Variants in RBFOX1 observed in about 807,000 individuals in gnomAD.
RBFOX1 encodes RNA binding fox-1 homolog 1, also known as RNA binding protein fox-1 homolog 1.
A neutral mutation model predicts 57.7 loss-of-function variants in RBFOX1; 8 were observed. The ratio of observed to expected loss-of-function variants is 0.14; its 90% CI spans 0.08 to 0.25. The LOEUF (loss-of-function observed/expected upper bound fraction) is 0.25. Among genes scored for constraint, RBFOX1 ranks in the 10% least tolerant of loss-of-function variants. The pLI is 1.00. For synonymous variants in RBFOX1, 326 were observed against 222.4 expected, an observed-to-expected ratio of 1.47 and a Z score of -4.15; for missense variants, 611 against 548.5, an observed-to-expected ratio of 1.11 and a Z score of -1.14.
intron 2 of RBFOX1, among the ~76,000 whole-genome samples, chr16:5,472,614 G>C (rs1324668678): frequency 2.0e-5 from 3 of 152,146 alleles, no homozygotes; most frequent in African/African-American, 7.2e-5. Context: ...TTCTTAGAGT[G>C]ATTTCTGTGC....
At chr16:6,858,734 A>G (rs975592712) in intron 3 of RBFOX1, among the ~76,000 whole-genome samples, 14 of 152,258 alleles carry the variant, frequency 9.2e-5, no homozygotes, top group Middle Eastern at 3.4e-3. Flanking sequence ...TCTTTATGGA[A>G]CAGTGTATAC....
intron 3 of RBFOX1, among the ~76,000 whole-genome samples, chr16:6,959,571 G>C (rs1028939172): frequency 2.0e-5 from 3 of 152,066 alleles, no homozygotes; most frequent in Admixed American, 1.3e-4. Flanking sequence ...GGCAAAGCAG[G>C]TCTCCCTCAA....
intron 4 of RBFOX1, among the ~76,000 whole-genome samples, chr16:7,114,256 G>A (rs191363073): frequency 5.3e-5 from 8 of 152,140 alleles, no homozygotes; most frequent in South Asian, 2.1e-4. Flanking sequence ...GTGCACATGA[G>A]TGTACTTGTG....
chr16:7,446,340 G>A (rs994227644), intron 4 of RBFOX1, among the ~76,000 whole-genome samples: 1 of 152,142 alleles, frequency 6.6e-6, no homozygotes, highest in Non-Finnish European at 1.5e-5. Flanking sequence ...GTTGTCCCAG[G>A]AATGAAAATG....
intron 4 of RBFOX1, among the ~76,000 whole-genome samples, chr16:7,099,621 G>T (rs1427077425): frequency 2.0e-5 from 3 of 152,114 alleles, no homozygotes; most frequent in African/African-American, 7.2e-5. Flanking sequence ...ACGTGCCCAA[G>T]GTGGTTGGGG....
chr16:6,520,883 G>T (rs2096485339), intron 2 of RBFOX1, among the ~76,000 whole-genome samples: 1 of 151,886 alleles, frequency 6.6e-6, no homozygotes, highest in African/African-American at 2.4e-5. Context: ...GGCAGACGTT[G>T]CTGAGAGAAA....
At chr16:6,590,918 G>C (rs2097701201) in intron 2 of RBFOX1, among the ~76,000 whole-genome samples, 2 of 152,180 alleles carry the variant, frequency 1.3e-5, no homozygotes, top group South Asian at 2.1e-4. Context: ...ATTTAGGTTA[G>C]TATAGTGGGT....
At chr16:6,218,540 C>G (rs898684308) in intron 1 of RBFOX1, among the ~76,000 whole-genome samples, 1 of 152,038 alleles carries the variant, frequency 6.6e-6, no homozygotes, top group Non-Finnish European at 1.5e-5. Context: ...AAACTCCTGG[C>G]CTCAAGTGAT....
intron 4 of RBFOX1, among the ~76,000 whole-genome samples, chr16:5,969,477 A>ATTT (rs34622040): frequency 0.013 from 1,472 of 116,952 alleles, 26 homozygotes; most frequent in Non-Finnish European, 0.019. Context: ...ACGCCTGGCT[A>ATTT]TTTTTTTTTT....
At chr16:6,576,568 T>A (rs182179604) in intron 2 of RBFOX1, among the ~76,000 whole-genome samples, 162 of 152,322 alleles carry the variant, frequency 1.1e-3, no homozygotes, top group South Asian at 1.7e-3. Flanking sequence ...TTCTTAGGTA[T>A]GTTTTTACTG....
intron 3 of RBFOX1, among the ~76,000 whole-genome samples, chr16:5,739,805 C>T (rs1048775146): frequency 6.6e-6 from 1 of 152,244 alleles, no homozygotes; most frequent in Non-Finnish European, 1.5e-5. Flanking sequence ...CCTCCCCTCT[C>T]TCCATCTGCA....
At chr16:6,203,793 G>A (rs1430020423) in intron 1 of RBFOX1, among the ~76,000 whole-genome samples, 1 of 152,126 alleles carries the variant, frequency 6.6e-6, no homozygotes, top group Non-Finnish European at 1.5e-5. Flanking sequence ...GCAGTTTGGA[G>A]GTGGCTCAAA....
intron 1 of RBFOX1, among the ~76,000 whole-genome samples, chr16:5,273,942 G>A (rs572545745): frequency 6.6e-6 from 1 of 152,232 alleles, no homozygotes; most frequent in Non-Finnish European, 1.5e-5. Context: ...CCAGGGACTC[G>A]AGCAGATTTA....
chr16:5,992,379 T>G (rs1351594650), intron 4 of RBFOX1, among the ~76,000 whole-genome samples: 1 of 152,244 alleles, frequency 6.6e-6, no homozygotes, highest in Non-Finnish European at 1.5e-5. Flanking sequence ...TATCTATTCA[T>G]TAAAGCGAGA....
At chr16:7,089,057 C>G (rs993792022) in intron 4 of RBFOX1, among the ~76,000 whole-genome samples, 1 of 152,188 alleles carries the variant, frequency 6.6e-6, no homozygotes, top group Non-Finnish European at 1.5e-5. Flanking sequence ...CCTTGCCCCT[C>G]AGTGAGCCTT....
chr16:7,156,145 A>G (rs1469527498), intron 4 of RBFOX1, among the ~76,000 whole-genome samples: 1 of 151,814 alleles, frequency 6.6e-6, no homozygotes, highest in Non-Finnish European at 1.5e-5. Flanking sequence ...TGCTGGGATC[A>G]CAAGTGTGAC....
chr16:7,122,876 G>T (rs982977760), intron 4 of RBFOX1, among the ~76,000 whole-genome samples: 1 of 152,166 alleles, frequency 6.6e-6, no homozygotes, highest in Non-Finnish European at 1.5e-5. Context: ...ATAAAAAGGA[G>T]CAACTATTGA....
At chr16:7,603,075 C>A (rs1596337216) in intron 9 of RBFOX1, among the ~76,000 whole-genome samples, 1 of 152,094 alleles carries the variant, frequency 6.6e-6, no homozygotes, top group Non-Finnish European at 1.5e-5. Context: ...ACAGCAAAAG[C>A]AGTGCTAATC....
At chr16:7,076,146 A>T (rs1211183944) in intron 4 of RBFOX1, among the ~76,000 whole-genome samples, 1 of 149,588 alleles carries the variant, frequency 6.7e-6, no homozygotes, top group African/African-American at 2.5e-5. Flanking sequence ...GGTTCAAGTG[A>T]TTCCCCTGCC....
Sources: gnomAD v4.1 joint callset for allele counts (sites outside exome capture counted in the v4.1 genomes callset) on GRCh38, gnomAD v4.1.1 for gene constraint, MANE v1.5 for transcripts, NCBI Gene and HGNC (gene_info 2026-07-23, HGNC 2026-07-21) for gene names.